ADGRF1: variants seen among roughly 807,000 people sequenced by gnomAD.
The protein encoded by ADGRF1 is adhesion G protein-coupled receptor F1.
Under a neutral mutation model 87.2 loss-of-function variants are expected in ADGRF1, and 85 were observed. The ratio of observed to expected loss-of-function variants is 0.97; its 90% CI spans 0.82 to 1.17. ADGRF1 has a LOEUF of 1.17. Among genes scored for constraint, ADGRF1 ranks in the 50% most tolerant of loss-of-function variants. The probability of loss-of-function intolerance (pLI) is 0.00; values close to 1 mark genes in which losing one functional copy is unlikely to be tolerated. For synonymous variants in ADGRF1, 430 were observed against 408.8 expected (o/e 1.05, Z -0.63); for missense variants, 1,169 against 1,077.2 (o/e 1.09, Z -1.19).
In ADGRF1 at chr6:47,014,838, C is replaced by A. The variant is rs143964423; in HGVS notation, c.770G>T (p.Cys257Phe). The A allele has an allele frequency of 4.4e-6, 7 of 1,603,062 alleles. No individual in the cohort carries two copies. The highest frequency in any genetic ancestry group is 6.0e-6 in the Non-Finnish European group (7 of 1,173,708). Reference protein sequence around the residue: ...GSFRVFGKAQCNDIVFGFGSK... With the variant: ...GSFRVFGKAQFNDIVFGFGSK... ...CCCAAATCCAAAGACAATGTCATTA[C>A]ACTGGGCTGGAAACAAAAGAAAACA... is the stretch of plus-strand genomic sequence containing the variant. Residue 257 changes from cysteine (C) to phenylalanine (F), a missense_variant, in exon 9 of 15, where the codon TGT (cysteine) becomes TTT (phenylalanine). By Grantham distance (205) the Cys-to-Phe change is radical. Transcript: ENST00000371253.
intron 7 of ADGRF1, chr6:47,020,267 C>A: frequency 8.2e-7 from 1 of 1,217,402 alleles, no homozygotes; most frequent in Non-Finnish European, 1.0e-6. Flanking sequence ...CCGAGGCAGG[C>A]GGATCACCTG....
chr6:47,007,373 C>A, intron 11 of ADGRF1, 79 bp from the exon 12 acceptor site: 1 of 802,738 alleles, frequency 1.2e-6, no homozygotes, highest in South Asian at 1.6e-5. Flanking sequence ...TAACACTATT[C>A]AATCACCCCA....
chr6:47,021,072 T>A (rs1440265865), intron 6 of ADGRF1, among the ~76,000 whole-genome samples: 1 of 152,216 alleles, frequency 6.6e-6, no homozygotes, highest in Admixed American at 6.5e-5. Flanking sequence ...GGAGATGAAT[T>A]TGATGCCAGA....
chr6:47,008,916 A>G (rs1172771446), intron 11 of ADGRF1, 29 bp downstream of exon 11: 4 of 1,540,536 alleles, frequency 2.6e-6, no homozygotes, highest in African/African-American at 1.4e-5. Context: ...TCACTTGACA[A>G]TACAATAGGT....
intron 9 of ADGRF1, chr6:47,014,147 T>G (rs1779790088): frequency 2.2e-6 from 1 of 464,018 alleles, no homozygotes; most frequent in African/African-American, 2.1e-5. Flanking sequence ...CCAGAGGAAC[T>G]ATTGGCCCCT....
intron 1 of ADGRF1, among the ~76,000 whole-genome samples, chr6:47,030,617 T>TGTAC (rs1452895252): frequency 6.6e-6 from 1 of 151,630 alleles, no homozygotes; most frequent in Admixed American, 6.6e-5. Context: ...TGTGTGTGTG[T>TGTAC]GTACCTTGGA....
At chr6:47,016,825 C>T in intron 7 of ADGRF1, 57 bp from the exon 8 acceptor site, 1 of 1,522,550 alleles carries the variant, frequency 6.6e-7, no homozygotes, top group African/African-American at 1.4e-5. Flanking sequence ...TTCATTCACT[C>T]CCGGCCTATG....
intron 8 of ADGRF1, 67 bp from the exon 9 acceptor site, chr6:47,014,911 G>C (rs966417647): frequency 3.1e-5 from 45 of 1,466,980 alleles, no homozygotes; most frequent in Non-Finnish European, 3.9e-5. Flanking sequence ...TATAAACCAT[G>C]TAGTCATGTT....
In ADGRF1 at chr6:47,009,097, G is replaced by A. The variant is rs762544665; in HGVS notation, c.2338C>T (p.Arg780Trp). ...WRPTVGERLS[R>W]DDKATIIRVG... ...CGGATGATGGTGGCCTTGTCATCCC[G>A]ACTCAGTCTTTCCCCAACAGTCGGC... The change falls in exon 11 of 15, where the codon CGG becomes TGG. Residue 780 changes from arginine to tryptophan, a missense_variant. Physicochemically the swap from Arg to Trp is moderately radical, Grantham distance 101. Transcript: ENST00000371253. The A allele has an allele frequency of 2.2e-5, 36 of 1,614,020 alleles. No homozygotes were observed. Among genetic ancestry groups the A allele is most frequent in the South Asian group, 4.4e-5 (4 of 91,072 alleles).
At chr6:47,028,843 G>C in intron 2 of ADGRF1, 150 bp downstream of exon 2, 1 of 670,654 alleles carries the variant, frequency 1.5e-6, no homozygotes. Context: ...AGTGAATGTT[G>C]GTAATGTTGA....
chr6:47,033,202 G>A (rs548372541), intron 1 of ADGRF1, among the ~76,000 whole-genome samples: 17 of 152,314 alleles, frequency 1.1e-4, no homozygotes, highest in South Asian at 4.1e-4. Context: ...ACCAGCTTCC[G>A]TGGGAAGGCT....
At position 47,012,819 on chromosome 6, in the gene ADGRF1, G is replaced by C. The variant is rs1004035897; in HGVS notation, c.928-624C>G. ...GAGTCTTGCTCTGTCAGCCAGGCTG[G>C]AGTGCGGTGGCATGATCTCAGCTCA... On this transcript the variant is annotated intron_variant, in intron 9 of 14. Coordinates refer to ENST00000371253, the MANE Select transcript of ADGRF1 (RefSeq NM_153840.4). 3 of 960,662 alleles carry C rather than the reference G, an allele frequency of 3.1e-6. No individual in the cohort carries two copies. The African/African-American group carries it at 5.3e-5, about 17-fold the overall frequency. 59.5% of individuals were successfully genotyped at this position (960,662 alleles called of 1,614,324 possible). A position where few individuals can be genotyped will look rare whatever the true frequency, so the allele number is the denominator to read the frequency against.
chr6:47,004,891 TCC>T (rs1379506440), intron 13 of ADGRF1, among the ~76,000 whole-genome samples: 2 of 152,242 alleles, frequency 1.3e-5, no homozygotes, highest in Non-Finnish European at 2.9e-5. Flanking sequence ...GCAGGACTGG[TCC>T]ACCTGCTCAT....
chr6:47,010,420 G>T, intron 10 of ADGRF1, 102 bp from the exon 11 acceptor site: 1 of 964,972 alleles, frequency 1.0e-6, no homozygotes, highest in Non-Finnish European at 1.5e-6. Flanking sequence ...AATGCCCAGA[G>T]AATTGGCTCA....
At chr6:47,016,939 A>G (rs932640923) in intron 7 of ADGRF1, 171 bp from the exon 8 acceptor site, 2 of 614,104 alleles carry the variant, frequency 3.3e-6, no homozygotes, top group African/African-American at 1.9e-5. Context: ...CCAAAAATAC[A>G]TATATATATG....
Position 47,027,728 on chromosome 6 carries a change from T to C in ADGRF1, c.103A>G (p.Ile35Val). ...CCTAGATGTTTTTTCTTATTCACAATGAGTTCTTTTTTTGTTTTGATGCCA... is the reference window on the plus strand; with the variant it reads ...CCTAGATGTTTTTTCTTATTCACAACGAGTTCTTTTTTTGTTTTGATGCCA... ...NDGIKTKKEL[I>V]VNKKKHLGPV... Residue 35 changes from isoleucine to valine, a missense_variant, in exon 3 of 15, where the codon ATT becomes GTT. Coordinates refer to ENST00000371253, the MANE Select transcript of ADGRF1 (RefSeq NM_153840.4). 6.2e-7 allele frequency: 1 copy of C among 1,603,512 alleles called. No homozygotes were observed. The highest frequency in any genetic ancestry group is 1.3e-5 in the African/African-American group (1 of 74,694).
chr6:47,003,043 C>A (rs1302190007), intron 13 of ADGRF1, among the ~76,000 whole-genome samples: 2 of 152,288 alleles, frequency 1.3e-5, no homozygotes, highest in South Asian at 2.1e-4. Context: ...TATCATGACA[C>A]TGTAAACAAA....
At chr6:47,026,827 T>C (rs1780250974) in intron 3 of ADGRF1, among the ~76,000 whole-genome samples, 2 of 152,152 alleles carry the variant, frequency 1.3e-5, no homozygotes, top group South Asian at 4.1e-4. Flanking sequence ...CCCCAGGCAT[T>C]GGAAGTCCCC....
chr6:47,032,715 G>C (rs1392832527), intron 1 of ADGRF1, among the ~76,000 whole-genome samples: 1 of 152,180 alleles, frequency 6.6e-6, no homozygotes, highest in African/African-American at 2.4e-5. Flanking sequence ...TGAGTACTTT[G>C]CAAGTAAGGT....
Sources: allele counts gnomAD v4.1 joint callset (sites outside exome capture counted in the v4.1 genomes callset), GRCh38; gene constraint gnomAD v4.1.1; transcripts MANE v1.5; gene names NCBI Gene and HGNC (gene_info 2026-07-23, HGNC 2026-07-21).